CACNA1C: variants seen among roughly 807,000 people sequenced by gnomAD.
CACNA1C encodes the protein calcium voltage-gated channel subunit alpha1 C.
Under a neutral mutation model 229.0 loss-of-function variants are expected in CACNA1C, and 30 were observed. That is an observed-to-expected ratio of 0.13 (90% CI 0.10 to 0.18). The LOEUF (loss-of-function observed/expected upper bound fraction) is 0.18. Ranked by LOEUF, CACNA1C falls within the 10% of genes least tolerant of loss-of-function variation. The probability of loss-of-function intolerance (pLI) is 1.00; values close to 1 mark genes in which losing one functional copy is unlikely to be tolerated. For synonymous variants in CACNA1C, 1,114 were observed against 1,132.5 expected (o/e 0.98, Z 0.33); for missense variants, 1,658 against 2,845.0 (o/e 0.58, Z 9.49).
intron 3 of CACNA1C, among the ~76,000 whole-genome samples, chr12:2,212,974 A>G (rs549791514): frequency 6.6e-6 from 1 of 152,302 alleles, no homozygotes; most frequent in Non-Finnish European, 1.5e-5. Flanking sequence ...TTGTTAAAAT[A>G]TCCTCTTGTT....
At chr12:2,138,666 G>T (rs1256804568) in intron 3 of CACNA1C, among the ~76,000 whole-genome samples, 3 of 150,976 alleles carry the variant, frequency 2.0e-5, no homozygotes, top group Non-Finnish European at 4.4e-5. Flanking sequence ...AGCCCAACAT[G>T]GTCTTTCAGC....
rs886042224 is a variant in CACNA1C, at chr12:2,674,535, C to T, written c.4727-6C>T. 11 of 1,556,396 alleles carry T rather than the reference C, an allele frequency of 7.1e-6. No homozygotes were observed. The highest frequency in any genetic ancestry group is 3.3e-4 in the Middle Eastern group (2 of 5,996). ...CAAGGGGCTGAGGATCCTTTCCGCC[C>T]TGCAGGGAACCTAGAACAAGCCAAT... On this transcript the variant is annotated splice_region_variant and splice_polypyrimidine_tract_variant and intron_variant, in intron 38 of 46. Transcript: ENST00000399655.
At chr12:2,320,435 G>A (rs1377332058) in intron 3 of CACNA1C, among the ~76,000 whole-genome samples, 1 of 152,252 alleles carries the variant, frequency 6.6e-6, no homozygotes, top group African/African-American at 2.4e-5. Flanking sequence ...GGCAGTGTAT[G>A]TGCTCTCAGT....
At chr12:2,241,790 A>AT (rs1444415516) in intron 3 of CACNA1C, among the ~76,000 whole-genome samples, 2 of 152,082 alleles carry the variant, frequency 1.3e-5, no homozygotes, top group African/African-American at 2.4e-5. Flanking sequence ...TAAAGTGGAG[A>AT]TTTTTTGTTA....
At chr12:2,483,863 G>A (rs2099686813) in intron 5 of CACNA1C, among the ~76,000 whole-genome samples, 1 of 152,150 alleles carries the variant, frequency 6.6e-6, no homozygotes. Flanking sequence ...TGCAGGCCCT[G>A]AAACTCACCT....
At position 2,605,385 on chromosome 12, in the gene CACNA1C, A is replaced by C. The variant is rs937358502; in HGVS notation, c.3048+217A>C. Reference sequence around the variant, plus strand: ...GTGTCTGCCCTAAGCAGAATGTGCCAAAGGGAGATCCCACACAAACCCTGT... The same window carrying C: ...GTGTCTGCCCTAAGCAGAATGTGCCCAAGGGAGATCCCACACAAACCCTGT... On this transcript the variant is annotated intron_variant, in intron 23 of 46. Coordinates refer to ENST00000399655, the MANE Select transcript of CACNA1C (RefSeq NM_000719.7). The surrounding 1 kb of genome is among the most constrained non-coding windows in gnomAD (Gnocchi z 6.2). Among the ~76,000 whole-genome samples the C allele has an allele frequency of 2.0e-5, 3 of 152,314 alleles. No homozygotes were observed. The highest frequency in any genetic ancestry group is 6.5e-5 in the Admixed American group (1 of 15,306).
intron 3 of CACNA1C, among the ~76,000 whole-genome samples, chr12:2,218,434 A>T (rs906895401): frequency 6.6e-6 from 1 of 152,176 alleles, no homozygotes; most frequent in South Asian, 2.1e-4. Context: ...AAAGACAGGG[A>T]TATTTTTCCC....
intron 3 of CACNA1C, among the ~76,000 whole-genome samples, chr12:2,377,498 G>C (rs974219530): frequency 2.0e-5 from 3 of 152,122 alleles, no homozygotes; most frequent in African/African-American, 4.8e-5. Flanking sequence ...GGCCCCTGAC[G>C]TCGAGGGATT....
At chr12:2,153,039 G>A (rs2095367968) in intron 3 of CACNA1C, among the ~76,000 whole-genome samples, 1 of 152,212 alleles carries the variant, frequency 6.6e-6, no homozygotes, top group African/African-American at 2.4e-5. Flanking sequence ...CCTTTCAGTG[G>A]TGGTCACTAT....
upstream of CACNA1C, among the ~76,000 whole-genome samples, chr12:2,051,969 T>C (rs1442124857): frequency 6.6e-6 from 1 of 152,152 alleles, no homozygotes; most frequent in Admixed American, 6.5e-5. Flanking sequence ...GGAGGTCTTA[T>C]GTGGAGGCAG....
At chr12:2,571,897 G>A (rs2054639880) in intron 13 of CACNA1C, among the ~76,000 whole-genome samples, 1 of 152,194 alleles carries the variant, frequency 6.6e-6, no homozygotes, top group Admixed American at 6.5e-5. Flanking sequence ...GGACATTGTG[G>A]TCCCTTCAGC....
chr12:2,529,413 A>G (rs778559169), intron 9 of CACNA1C, among the ~76,000 whole-genome samples: 2 of 152,234 alleles, frequency 1.3e-5, no homozygotes, highest in Non-Finnish European at 2.9e-5. Context: ...TCTGCTGGGT[A>G]GTACATCTTG....
chr12:2,397,152 A>G (rs920165983), intron 3 of CACNA1C, among the ~76,000 whole-genome samples: 6 of 152,258 alleles, frequency 3.9e-5, no homozygotes, highest in Non-Finnish European at 8.8e-5. Flanking sequence ...AAAGATCATC[A>G]GTGGATCCAA....
At chr12:2,450,069 C>T (rs147162266) in intron 4 of CACNA1C, among the ~76,000 whole-genome samples, 166 of 152,282 alleles carry the variant, frequency 1.1e-3, no homozygotes, top group African/African-American at 3.9e-3. Context: ...CAGCTTCCCC[C>T]AGACACCCTG....
Position 2,270,906 on chromosome 12 carries a change from G to A in CACNA1C, c.477+150476G>A, listed in dbSNP as rs547123520. Among the ~76,000 whole-genome samples, 240 of 152,310 alleles carry A rather than the reference G, an allele frequency of 1.6e-3. 2 individuals carry two copies. The highest frequency in any genetic ancestry group is 5.5e-3 in the African/African-American group (227 of 41,570). On this transcript the variant is annotated intron_variant, in intron 3 of 46. Transcript: ENST00000399655. ...CAGGCTGGAGGGGCTGGATGGTGGT[G>A]GGGGGTGTGGGTGAAGTAAGCATGA...
intron 3 of CACNA1C, among the ~76,000 whole-genome samples, chr12:2,174,908 G>T (rs2096601101): frequency 6.6e-6 from 1 of 152,154 alleles, no homozygotes; most frequent in Non-Finnish European, 1.5e-5. Context: ...CCATTGTAAA[G>T]GTCTTCATCC....
At chr12:2,136,908 A>G (rs1287973842) in intron 3 of CACNA1C, among the ~76,000 whole-genome samples, 3 of 151,280 alleles carry the variant, frequency 2.0e-5, no homozygotes, top group African/African-American at 7.2e-5. Flanking sequence ...TTCTGAGACA[A>G]ACTTAAAACT....
At position 2,053,399 on chromosome 12, in the gene CACNA1C, G is replaced by A. The variant is rs890641516; in HGVS notation, c.-164G>A. On this transcript the variant is annotated 5_prime_UTR_variant, in exon 1 of 47. Coordinates refer to ENST00000399655, the MANE Select transcript of CACNA1C (RefSeq NM_000719.7). The surrounding 1 kb of genome is among the most constrained non-coding windows in gnomAD (Gnocchi z 5.8). Reference sequence around the variant, plus strand: ...GGTTTGATGCCATAATGGGAATCAGGTAATCGTCGGCGGGGAAGAAGAAAC... The same window carrying A: ...GGTTTGATGCCATAATGGGAATCAGATAATCGTCGGCGGGGAAGAAGAAAC... 1.6e-5 allele frequency: 22 copies of A among 1,409,486 alleles called. No individual in the cohort carries two copies. The East Asian group carries it at 6.1e-4, about 39-fold the overall frequency. 87.3% of individuals were successfully genotyped at this position (1,409,486 alleles called of 1,614,324 possible). A position where few individuals can be genotyped will look rare whatever the true frequency, so the allele number is the denominator to read the frequency against.
intron 43 of CACNA1C, among the ~76,000 whole-genome samples, chr12:2,683,151 T>TA (rs771947553): frequency 6.6e-5 from 10 of 152,184 alleles, no homozygotes; most frequent in East Asian, 1.9e-4. Flanking sequence ...CTGCCATTCT[T>TA]AGAGTATTTT....
Sources: gnomAD v4.1 joint callset for allele counts (sites outside exome capture counted in the v4.1 genomes callset) on GRCh38, gnomAD v4.1.1 for gene constraint, Gnocchi (gnomAD v3.1) non-coding constraint, MANE v1.5 for transcripts, NCBI Gene and HGNC (gene_info 2026-07-23, HGNC 2026-07-21) for gene names.